The following HORMAD2 variants were observed in gnomAD, a reference collection of about 807,000 sequenced individuals.
HORMAD2 encodes the protein HORMA domain containing 2.
Under a neutral mutation model 38.8 loss-of-function variants are expected in HORMAD2, and 45 were observed. That is an observed-to-expected ratio of 1.16 (90% CI 0.91 to 1.49). The LOEUF (loss-of-function observed/expected upper bound fraction) is 1.49, where lower values mean the gene tolerates loss of function less well. Among genes scored for constraint, HORMAD2 ranks in the 40% most tolerant of loss-of-function variants. The pLI is 0.00. For synonymous variants in HORMAD2, 126 were observed against 122.8 expected, an observed-to-expected ratio of 1.03 and a Z score of -0.17; for missense variants, 338 against 367.0, an observed-to-expected ratio of 0.92 and a Z score of 0.65.
downstream of HORMAD2, among the ~76,000 whole-genome samples, chr22:30,178,611 T>C (rs970630768): frequency 6.6e-6 from 1 of 152,224 alleles, no homozygotes; most frequent in Non-Finnish European, 1.5e-5. Flanking sequence ...TGGTTCTTAA[T>C]TGTAATGGGA....
At chr22:30,126,166 T>C (rs1367262842) in intron 10 of HORMAD2, among the ~76,000 whole-genome samples, 1 of 152,114 alleles carries the variant, frequency 6.6e-6, no homozygotes, top group Non-Finnish European at 1.5e-5. Context: ...TCATAGAGTA[T>C]GGACTTTTTT....
intron 10 of HORMAD2, among the ~76,000 whole-genome samples, chr22:30,171,998 A>G (rs888680637): frequency 8.5e-5 from 13 of 152,136 alleles, no homozygotes; most frequent in Admixed American, 4.6e-4. Flanking sequence ...TAACTGGGAA[A>G]TACTCAGGAG....
intron 10 of HORMAD2, among the ~76,000 whole-genome samples, chr22:30,155,946 T>C (rs551088309): frequency 6.6e-6 from 1 of 152,284 alleles, no homozygotes; most frequent in East Asian, 1.9e-4. Context: ...CTCCCCAGAC[T>C]GCCTCCTCAC....
downstream of HORMAD2, among the ~76,000 whole-genome samples, chr22:30,181,905 C>T (rs1926736809): frequency 6.6e-6 from 1 of 152,186 alleles, no homozygotes; most frequent in Non-Finnish European, 1.5e-5. Flanking sequence ...CGGAAGTGTT[C>T]AAGACTAGTT....
intron 5 of HORMAD2, among the ~76,000 whole-genome samples, chr22:30,109,362 G>A (rs1921455847): frequency 6.7e-6 from 1 of 150,328 alleles, no homozygotes; most frequent in African/African-American, 2.5e-5. Context: ...CTGTTGCTTA[G>A]GCTGGAGTGC....
chr22:30,094,573 T>C lies in HORMAD2; in HGVS notation c.51+570T>C, dbSNP rs959911982. Reference sequence around the variant, plus strand: ...AAATATGATCTTCATCTTCCAAAAGTTTATAATCTGGTTAGGAGTTAAGTC... The same window carrying C: ...AAATATGATCTTCATCTTCCAAAAGCTTATAATCTGGTTAGGAGTTAAGTC... On this transcript the variant is annotated intron_variant, in intron 2 of 10. Transcript: ENST00000336726. Among the ~76,000 whole-genome samples the C allele has an allele frequency of 2.0e-5, 3 of 152,300 alleles. No individual in the cohort carries two copies. In the East Asian group the frequency reaches 5.8e-4, roughly 29 times the overall value.
At chr22:30,156,795 C>T (rs1925103482) in intron 10 of HORMAD2, among the ~76,000 whole-genome samples, 1 of 152,194 alleles carries the variant, frequency 6.6e-6, no homozygotes, top group Non-Finnish European at 1.5e-5. Flanking sequence ...AATAAAAGCA[C>T]TGACGAAGAG....
intron 10 of HORMAD2, among the ~76,000 whole-genome samples, chr22:30,175,387 C>T (rs928369213): frequency 2.1e-5 from 3 of 144,828 alleles, no homozygotes; most frequent in Non-Finnish European, 4.5e-5. Flanking sequence ...AAAACCTTTC[C>T]TCCCATCTAG....
intron 7 of HORMAD2, among the ~76,000 whole-genome samples, chr22:30,115,894 G>T (rs766035900): frequency 3.8e-4 from 58 of 152,200 alleles, no homozygotes; most frequent in Admixed American, 1.0e-3. Context: ...TAACCAGAAG[G>T]AGTCAGCCCA....
intron 10 of HORMAD2, among the ~76,000 whole-genome samples, chr22:30,167,498 G>T (rs1196524569): frequency 6.6e-6 from 1 of 152,118 alleles, no homozygotes; most frequent in African/African-American, 2.4e-5. Flanking sequence ...CATGTGAGAG[G>T]TTATACCAAG....
the HORMAD2 span, among the ~76,000 whole-genome samples, chr22:30,183,075 C>T: frequency 1.3e-5 from 2 of 152,116 alleles, no homozygotes; most frequent in South Asian, 2.1e-4. Flanking sequence ...ACAAATGGCT[C>T]ATATACTGTT....
At chr22:30,084,682 C>T (rs895758130) in intron 1 of HORMAD2, among the ~76,000 whole-genome samples, 55 of 151,950 alleles carry the variant, frequency 3.6e-4, no homozygotes, top group Admixed American at 9.2e-4. Context: ...AGAGACAGGG[C>T]TTCACCATGT....
In HORMAD2 at chr22:30,103,649, A is replaced by ATTTTTTTTTTT. The variant is rs71198524; in HGVS notation, c.257+170_257+180dup. 9.4e-4 allele frequency: 71 copies of ATTTTTTTTTTT among 75,322 alleles called. 14 individuals carry two copies. The highest frequency in any genetic ancestry group is 4.8e-3 in the East Asian group (7 of 1,462). The allele number at this position is 75,322 out of a possible 1,614,324, so 4.7% of individuals were successfully genotyped here. A position where few individuals can be genotyped will look rare whatever the true frequency, so the allele number is the denominator to read the frequency against. On this transcript the variant is annotated intron_variant, in intron 4 of 10. Coordinates refer to ENST00000336726, the MANE Select transcript of HORMAD2 (RefSeq NM_152510.4). Reference sequence around the variant, plus strand: ...CTTTCTTTTTCTTTTTCTGTTTTTGATTTTTTTTTTTTTTTTTTTTTTTTT... The same window carrying ATTTTTTTTTTT: ...CTTTCTTTTTCTTTTTCTGTTTTTGATTTTTTTTTTTTTTTTTTTTTTTTTTTTTTTTTTTT...
At chr22:30,203,741 T>C in the HORMAD2 span, among the ~76,000 whole-genome samples, 1 of 152,188 alleles carries the variant, frequency 6.6e-6, no homozygotes, top group Non-Finnish European at 1.5e-5. Flanking sequence ...GCACACATTC[T>C]CACGCAAAAC....
chr22:30,096,554 G>A (rs578033272), intron 2 of HORMAD2, among the ~76,000 whole-genome samples: 3 of 150,826 alleles, frequency 2.0e-5, no homozygotes, highest in Admixed American at 6.6e-5. Flanking sequence ...TGTGATCTCT[G>A]CCTCCAGGGT....
In HORMAD2 at chr22:30,119,017, C is replaced by A. The variant is rs748590266; in HGVS notation, c.380C>A (p.Thr127Lys). The A allele has an allele frequency of 5.0e-6, 8 of 1,589,718 alleles. No homozygotes were observed. The highest frequency in any genetic ancestry group is 1.3e-5 in the African/African-American group (1 of 74,526). Residue 127 changes from threonine (T) to lysine (K), a missense_variant, in exon 8 of 11, where the codon ACG (threonine) becomes AAG (lysine). Physicochemically the swap from Thr to Lys is moderately conservative, Grantham distance 78. Coordinates refer to ENST00000336726, the MANE Select transcript of HORMAD2 (RefSeq NM_152510.4). The part of the protein sequence containing the change: ...TEMYQFKFKY[T>K]KEGATMDFDS... ...ATGTACCAGTTCAAATTCAAATACACGAAAGAAGGAGCCACTATGGATTTT... is the reference window on the plus strand; with the variant it reads ...ATGTACCAGTTCAAATTCAAATACAAGAAAGAAGGAGCCACTATGGATTTT...
the HORMAD2 span, among the ~76,000 whole-genome samples, chr22:30,192,467 T>A: frequency 6.6e-6 from 1 of 152,070 alleles, no homozygotes; most frequent in East Asian, 1.9e-4. Context: ...TGATAGAAAA[T>A]GGACCAGTGT....
chr22:30,203,633 C>T, the HORMAD2 span, among the ~76,000 whole-genome samples: 2 of 152,162 alleles, frequency 1.3e-5, no homozygotes, highest in Non-Finnish European at 2.9e-5. Context: ...CACATGTATA[C>T]GTGCATGTGC....
At chr22:30,082,604 C>A (rs2068502100) in intron 1 of HORMAD2, among the ~76,000 whole-genome samples, 1 of 151,552 alleles carries the variant, frequency 6.6e-6, no homozygotes, top group Non-Finnish European at 1.5e-5. Flanking sequence ...TCCCCCTCCA[C>A]CCGCCCGCCC....
Sources: allele counts gnomAD v4.1 joint callset (sites outside exome capture counted in the v4.1 genomes callset), GRCh38; gene constraint gnomAD v4.1.1; transcripts MANE v1.5; gene names NCBI Gene and HGNC (gene_info 2026-07-23, HGNC 2026-07-21).